ADGRG7: variants seen among roughly 807,000 people sequenced by gnomAD.
The protein encoded by ADGRG7 is G-protein coupled receptor 128.
A neutral mutation model predicts 88.6 loss-of-function variants in ADGRG7; 82 were observed. The observed-to-expected ratio is 0.93, with a 90% CI of 0.77 to 1.11. The LOEUF is 1.11. ADGRG7 is among the 50% of genes most tolerant of loss of function. The pLI is 0.00. For synonymous variants in ADGRG7, 381 were observed against 345.2 expected, an observed-to-expected ratio of 1.10 and a Z score of -1.15; for missense variants, 945 against 953.4, an observed-to-expected ratio of 0.99 and a Z score of 0.12.
Position 100,693,648 on chromosome 3 carries a change from A to T in ADGRG7, c.2137-1096A>T, listed in dbSNP as rs74283847. 5.3e-3 allele frequency among the ~76,000 whole-genome samples: 813 copies of T among 152,308 alleles called. 52 individuals are homozygous for T. In the East Asian group the frequency reaches 0.14, roughly 27 times the overall value. ...ATGCTAATGTGGGAGACATCCAAGG[A>T]TATTTATTTTTAAAAATACCTTTTC... is the stretch of plus-strand genomic sequence containing the variant. On this transcript the variant is annotated intron_variant, in intron 15 of 15. Transcript: ENST00000273352.
chr3:100,690,352 C>T (rs1378800285), intron 15 of ADGRG7, among the ~76,000 whole-genome samples: 4 of 152,154 alleles, frequency 2.6e-5, no homozygotes, highest in African/African-American at 9.7e-5. Context: ...GTTTGATCTT[C>T]TGAAGCCTTC....
intron 15 of ADGRG7, among the ~76,000 whole-genome samples, chr3:100,692,910 A>G (rs968015786): frequency 6.6e-5 from 10 of 152,296 alleles, no homozygotes; most frequent in African/African-American, 2.2e-4. Flanking sequence ...GGTGATTTCT[A>G]TGTACACTAA....
chr3:100,677,148 GTCTCCTC>G, intron 15 of ADGRG7, among the ~76,000 whole-genome samples: 1 of 151,812 alleles, frequency 6.6e-6, no homozygotes, highest in Admixed American at 6.6e-5. Flanking sequence ...TTGTTTTCTG[GTCTCCTC>G]TTCTTTTCTG....
chr3:100,694,897 A>G lies in ADGRG7; in HGVS notation c.2290A>G (p.Arg764Gly). Reference sequence around the variant, plus strand: ...GCGTGTAAAGATGTATAATTTCCTCAGGTCATTGCCAACCTTACATGAACG... The same window carrying G: ...GCGTGTAAAGATGTATAATTTCCTCGGGTCATTGCCAACCTTACATGAACG... ...RLRVKMYNFL[R>G]SLPTLHERFR... Residue 764 changes from arginine (R) to glycine (G), a missense_variant, in exon 16 of 16, where the codon AGG (arginine) becomes GGG (glycine). Arg to Gly is a moderately radical substitution (Grantham distance 125). Transcript: ENST00000273352. 6.2e-7 allele frequency: 1 copy of G among 1,614,190 alleles called. No individual in the cohort carries two copies. Among genetic ancestry groups the G allele is most frequent in the Non-Finnish European group, 8.5e-7 (1 of 1,180,032 alleles).
At chr3:100,679,674 T>C (rs1360321424) in intron 15 of ADGRG7, among the ~76,000 whole-genome samples, 2 of 152,220 alleles carry the variant, frequency 1.3e-5, no homozygotes, top group African/African-American at 4.8e-5. Flanking sequence ...TAGAATATAG[T>C]AGCAATAGAG....
At chr3:100,653,516 A>G (rs1332622012) in intron 11 of ADGRG7, among the ~76,000 whole-genome samples, 1 of 152,238 alleles carries the variant, frequency 6.6e-6, no homozygotes, top group East Asian at 1.9e-4. Flanking sequence ...GGCCTCTTCT[A>G]CAGATGGCCT....
intron 1 of ADGRG7, among the ~76,000 whole-genome samples, chr3:100,620,469 A>C (rs2149013066): frequency 6.6e-6 from 1 of 152,274 alleles, no homozygotes; most frequent in South Asian, 2.1e-4. Flanking sequence ...ATGGGCAAAA[A>C]CTGGAAGCAT....
At chr3:100,674,345 G>T (rs908896970) in intron 15 of ADGRG7, among the ~76,000 whole-genome samples, 15 of 152,082 alleles carry the variant, frequency 9.9e-5, no homozygotes, top group African/African-American at 3.6e-4. Context: ...TTGGTGTTTT[G>T]ATAGAGATTG....
chr3:100,670,730 G>T (rs1418158547), intron 15 of ADGRG7, among the ~76,000 whole-genome samples: 1 of 151,926 alleles, frequency 6.6e-6, no homozygotes, highest in Non-Finnish European at 1.5e-5. Context: ...GCCCCCGACA[G>T]GCCCCAGTGT....
chr3:100,610,680 T>C (rs1482537333), intron 1 of ADGRG7, among the ~76,000 whole-genome samples: 1 of 152,206 alleles, frequency 6.6e-6, no homozygotes, highest in Non-Finnish European at 1.5e-5. Context: ...TCAATGATCC[T>C]AATGCTGGAT....
intron 15 of ADGRG7, among the ~76,000 whole-genome samples, chr3:100,688,473 T>C (rs1407556058): frequency 1.3e-5 from 2 of 152,212 alleles, no homozygotes; most frequent in Non-Finnish European, 1.5e-5. Flanking sequence ...GATGTTAGGG[T>C]GTCCATTTTA....
At chr3:100,630,105 G>A (rs780485210) in intron 2 of ADGRG7, among the ~76,000 whole-genome samples, 2 of 152,072 alleles carry the variant, frequency 1.3e-5, no homozygotes, top group Non-Finnish European at 2.9e-5. Context: ...GCATCTTCCT[G>A]AGTATATACT....
At chr3:100,680,907 A>T (rs2094972567) in intron 15 of ADGRG7, among the ~76,000 whole-genome samples, 1 of 152,200 alleles carries the variant, frequency 6.6e-6, no homozygotes, top group African/African-American at 2.4e-5. Flanking sequence ...AGTATTCTTC[A>T]TCCCTTTCTG....
In ADGRG7 at chr3:100,646,020, C is replaced by A. The variant is rs779095865; in HGVS notation, c.1022C>A (p.Ser341Ter). ...CAATCAAAAACTTTTACAGCTAAAT[C>A]GGATTTTAGTCAAAAAATTATCTCA... Reference protein sequence around the residue: ...LFQSKTFTAKSDFSQKIISSK... With the variant: ...LFQSKTFTAK The change falls in exon 9 of 16, where the codon TCG becomes TAG. Residue 341 changes from serine (S) to a stop codon, truncating the protein, a stop_gained. Transcript: ENST00000273352. LOFTEE classifies it high-confidence loss of function. 1 of 1,613,810 alleles carries A rather than the reference C, an allele frequency of 6.2e-7. No individual in the cohort carries two copies. Among genetic ancestry groups the A allele is most frequent in the Non-Finnish European group, 8.5e-7 (1 of 1,179,864 alleles).
chr3:100,685,959 C>T (rs1460887963), intron 15 of ADGRG7, among the ~76,000 whole-genome samples: 2 of 150,682 alleles, frequency 1.3e-5, no homozygotes, highest in African/African-American at 4.8e-5. Context: ...CACTGACTTC[C>T]ACAATGGTTG....
In ADGRG7 at chr3:100,649,687, T is replaced by C. The variant is rs2094926172; in HGVS notation, c.1267-8T>C. 2 of 1,500,468 alleles carry C rather than the reference T, an allele frequency of 1.3e-6. No individual in the cohort carries two copies. The highest frequency in any genetic ancestry group is 1.9e-6 in the Non-Finnish European group (2 of 1,078,610). The allele number at this position is 1,500,468 out of a possible 1,614,324, so 92.9% of individuals were successfully genotyped here. ...AATTAAAAATATGAGTCTTACCTTG[T>C]TTTTCAGACTTTCAAAAAGGATTAT... is the stretch of plus-strand genomic sequence containing the variant. On this transcript the variant is annotated splice_polypyrimidine_tract_variant and splice_region_variant and intron_variant, in intron 10 of 15. Coordinates refer to ENST00000273352, the MANE Select transcript of ADGRG7 (RefSeq NM_032787.3).
Position 100,653,568 on chromosome 3 carries a change from T to A in ADGRG7, c.1380-1267T>A, listed in dbSNP as rs200242444. 3.9e-5 allele frequency among the ~76,000 whole-genome samples: 6 copies of A among 152,334 alleles called. No individual in the cohort carries two copies. In the East Asian group the frequency reaches 1.2e-3, roughly 29 times the overall value. On this transcript the variant is annotated intron_variant, in intron 11 of 15. Coordinates refer to ENST00000273352, the MANE Select transcript of ADGRG7 (RefSeq NM_032787.3). ...ATCTACAGTAGAACTTATTACCTCA[T>A]GTTATATTAAAAAAACTGCCCCAAA... is the stretch of plus-strand genomic sequence containing the variant.
intron 15 of ADGRG7, 29 bp from the exon 16 acceptor site, chr3:100,694,715 C>A (rs1386457043): frequency 6.2e-7 from 1 of 1,602,102 alleles, no homozygotes; most frequent in Non-Finnish European, 8.5e-7. Context: ...CAGCACTTAC[C>A]CAACATTAAA....
At chr3:100,679,313 A>G (rs2094969796) in intron 15 of ADGRG7, among the ~76,000 whole-genome samples, 1 of 152,168 alleles carries the variant, frequency 6.6e-6, no homozygotes, top group Non-Finnish European at 1.5e-5. Context: ...AAGGCTCTTC[A>G]GTCAGTCTGT....
Sources: allele counts gnomAD v4.1 joint callset (sites outside exome capture counted in the v4.1 genomes callset), GRCh38; gene constraint gnomAD v4.1.1; transcripts MANE v1.5; gene names NCBI Gene and HGNC (gene_info 2026-07-23, HGNC 2026-07-21).